CNTN3: variants seen among roughly 807,000 people sequenced by gnomAD.
The protein encoded by CNTN3 is contactin-3.
In CNTN3, 60 loss-of-function variants were observed where a neutral mutation model predicts 119.1. The ratio of observed to expected loss-of-function variants is 0.50; its 90% confidence interval spans 0.41 to 0.62. The LOEUF is 0.62. CNTN3 is among the 20% of genes least tolerant of loss of function. The pLI is 0.00. For synonymous variants in CNTN3, 450 were observed against 438.7 expected, an observed-to-expected ratio of 1.03 and a Z score of -0.32; for missense variants, 1,101 against 1,242.4, an observed-to-expected ratio of 0.89 and a Z score of 1.71.
At chr3:74,356,852 G>A (rs773603584) in intron 11 of CNTN3, among the ~76,000 whole-genome samples, 7 of 152,084 alleles carry the variant, frequency 4.6e-5, no homozygotes, top group African/African-American at 1.5e-4. Flanking sequence ...ACATGATCAC[G>A]GCTGATTCAT....
chr3:74,301,951 T>C, intron 14 of CNTN3, 146 bp from the exon 15 acceptor site: 1 of 764,986 alleles, frequency 1.3e-6, no homozygotes, highest in South Asian at 1.8e-5. Context: ...GCCATTTACC[T>C]GGTAATAGAA....
At chr3:74,590,647 C>T (rs537434097) in intron 1 of CNTN3, among the ~76,000 whole-genome samples, 1 of 152,090 alleles carries the variant, frequency 6.6e-6, no homozygotes, top group East Asian at 1.9e-4. Context: ...AATGCAATTG[C>T]CATATGGCTT....
In CNTN3 at chr3:74,333,846, T is replaced by C. The variant is rs943453015; in HGVS notation, c.1668+889A>G. On this transcript the variant is annotated intron_variant, in intron 13 of 22. Transcript: ENST00000263665. The stretch of plus-strand genomic sequence containing the variant: ...GAACACAGTTGAGTTGACCATCATA[T>C]GGCTTTCTACTTTACTGAGGCCTGT... 2.0e-5 allele frequency among the ~76,000 whole-genome samples: 3 copies of C among 152,214 alleles called. No homozygotes were observed. The East Asian group carries it at 5.8e-4, about 29-fold the overall frequency.
intron 13 of CNTN3, among the ~76,000 whole-genome samples, chr3:74,317,214 T>C (rs1702854193): frequency 6.7e-6 from 1 of 150,076 alleles, no homozygotes; most frequent in African/African-American, 2.5e-5. Context: ...ATCCCTTTAT[T>C]TTGAGCCTAT....
chr3:74,400,792 G>C (rs1055850812), intron 5 of CNTN3, among the ~76,000 whole-genome samples: 1 of 152,070 alleles, frequency 6.6e-6, no homozygotes, highest in Non-Finnish European at 1.5e-5. Flanking sequence ...GAGTTACAAA[G>C]GTATTTATAT....
rs199886450 is a variant in CNTN3, at chr3:74,521,011, G to A, written c.55+47C>T. 398 of 1,138,624 alleles carry A rather than the reference G, an allele frequency of 3.5e-4. 3 individuals are homozygous for A. Among genetic ancestry groups the A allele is most frequent in the Middle Eastern group, 8.0e-4 (4 of 4,972 alleles). The allele number at this position is 1,138,624 out of a possible 1,614,324, so 70.5% of individuals were successfully genotyped here. A position where few individuals can be genotyped will look rare whatever the true frequency, so the allele number is the denominator to read the frequency against. On this transcript the variant is annotated intron_variant, in intron 2 of 22. Coordinates refer to ENST00000263665, the MANE Select transcript of CNTN3 (RefSeq NM_020872.3). ...TAAAAATTATGTAAGCATATGACTC[G>A]AGTATACTTCTAACCTCAACTTAGA...
intron 3 of CNTN3, 63 bp downstream of exon 3, chr3:74,499,596 T>G: frequency 6.7e-7 from 1 of 1,490,002 alleles, no homozygotes. Flanking sequence ...AAAAAAAAAT[T>G]CACAATCACC....
chr3:74,555,830 T>A (rs1340967214), intron 1 of CNTN3, among the ~76,000 whole-genome samples: 1 of 152,174 alleles, frequency 6.6e-6, no homozygotes. Flanking sequence ...TTGCTAGTGG[T>A]CTATTTTGTT....
intron 4 of CNTN3, among the ~76,000 whole-genome samples, chr3:74,475,773 C>A (rs143219933): frequency 1.5e-3 from 226 of 152,176 alleles, no homozygotes; most frequent in Admixed American, 4.1e-3. Context: ...ATTTGTGACC[C>A]CAAAATCAGT....
intron 11 of CNTN3, among the ~76,000 whole-genome samples, chr3:74,358,621 T>A (rs1430600903): frequency 1.1e-5 from 1 of 90,740 alleles, no homozygotes; most frequent in Non-Finnish European, 2.3e-5. Flanking sequence ...TTATTTATTT[T>A]TATTGTACTT....
intron 4 of CNTN3, among the ~76,000 whole-genome samples, chr3:74,460,764 CTTA>C (rs1268550885): frequency 1.2e-5 from 1 of 83,550 alleles, no homozygotes; most frequent in Non-Finnish European, 2.3e-5. Flanking sequence ...AGTTTTATTT[CTTA>C]TTTTCATATA....
intron 20 of CNTN3, among the ~76,000 whole-genome samples, chr3:74,273,706 C>G (rs1322559591): frequency 6.6e-6 from 1 of 152,194 alleles, no homozygotes; most frequent in East Asian, 1.9e-4. Context: ...CCTGGCATCA[C>G]AGGGATCCTT....
In CNTN3 at chr3:74,519,382, T is replaced by G. The variant is rs540811224; in HGVS notation, c.55+1676A>C. Among the ~76,000 whole-genome samples, 6 of 151,940 alleles carry G rather than the reference T, an allele frequency of 3.9e-5. No individual in the cohort carries two copies. The South Asian group carries it at 6.2e-4, about 16-fold the overall frequency. On this transcript the variant is annotated intron_variant, in intron 2 of 22. Transcript: ENST00000263665. ...TTTTCTATATATTTGTTCGTAAATA[T>G]GTAAAACATTTCTCAAAAATGCTGA... is the stretch of plus-strand genomic sequence containing the variant.
chr3:74,385,235 C>T (rs1704717477), intron 5 of CNTN3, among the ~76,000 whole-genome samples: 1 of 152,182 alleles, frequency 6.6e-6, no homozygotes, highest in Non-Finnish European at 1.5e-5. Context: ...GTCTTAGGAA[C>T]AAGGATTTGG....
intron 4 of CNTN3, among the ~76,000 whole-genome samples, chr3:74,435,518 G>A (rs1021439036): frequency 1.3e-5 from 2 of 152,196 alleles, no homozygotes; most frequent in African/African-American, 2.4e-5. Context: ...CACATATGAG[G>A]CATATGGGCC....
chr3:74,580,607 T>C (rs1420279614), intron 1 of CNTN3, among the ~76,000 whole-genome samples: 11 of 152,258 alleles, frequency 7.2e-5, no homozygotes, highest in Middle Eastern at 3.4e-3. Context: ...CAGTGTAAAA[T>C]GCCACATTAA....
In CNTN3 at chr3:74,611,540, T is replaced by C. The variant is rs537707419; in HGVS notation, c.-81+2851A>G. 3.9e-5 allele frequency among the ~76,000 whole-genome samples: 6 copies of C among 152,322 alleles called. No individual in the cohort carries two copies. In the South Asian group the frequency reaches 1.2e-3, roughly 32 times the overall value. Reference sequence around the variant, plus strand: ...TACAACACTCGATCCATTTCTGAAATGTTTATACAAATTGGATATGAGAAT... The same window carrying C: ...TACAACACTCGATCCATTTCTGAAACGTTTATACAAATTGGATATGAGAAT... On this transcript the variant is annotated intron_variant, in intron 1 of 22. Coordinates refer to ENST00000263665, the MANE Select transcript of CNTN3 (RefSeq NM_020872.3).
intron 4 of CNTN3, among the ~76,000 whole-genome samples, chr3:74,455,794 G>A (rs1323249189): frequency 2.0e-5 from 3 of 151,848 alleles, no homozygotes; most frequent in African/African-American, 4.8e-5. Flanking sequence ...TGGAAGCCCT[G>A]GTTTTCAAGC....
In CNTN3 at chr3:74,472,670, T is replaced by C. The variant is rs560581167; in HGVS notation, c.358+13786A>G. The stretch of plus-strand genomic sequence containing the variant: ...TCTAATGAGACCAGGTTGAAAAGCA[T>C]TGTGCTTGACTAAAAAGCTTTGTTT... On this transcript the variant is annotated intron_variant, in intron 4 of 22. Transcript: ENST00000263665. 3.0e-4 allele frequency among the ~76,000 whole-genome samples: 45 copies of C among 152,334 alleles called. No homozygotes were observed. The East Asian group carries it at 7.9e-3, about 27-fold the overall frequency.
Sources: gnomAD v4.1 joint callset for allele counts (sites outside exome capture counted in the v4.1 genomes callset) on GRCh38, gnomAD v4.1.1 for gene constraint, MANE v1.5 for transcripts, NCBI Gene and HGNC (gene_info 2026-07-23, HGNC 2026-07-21) for gene names.